Variants in MCPH1 observed in about 807,000 individuals in gnomAD.
The protein encoded by MCPH1 is microcephalin 1.
Under a neutral mutation model 84.5 loss-of-function variants are expected in MCPH1, and 104 were observed. The ratio of observed to expected loss-of-function variants is 1.23; its 90% CI spans 1.05 to 1.45. The LOEUF is 1.45. Ranked by LOEUF, MCPH1 falls within the 40% of genes most tolerant of loss-of-function variation. MCPH1 has a pLI of 0.00. For missense variants in MCPH1, 1,498 were observed against 1,005.7 expected (o/e 1.49, Z -6.62); for synonymous variants, 514 against 366.8 (o/e 1.40, Z -4.58).
At chr8:6,571,487 A>G (rs2129576489) in intron 12 of MCPH1, among the ~76,000 whole-genome samples, 1 of 152,324 alleles carries the variant, frequency 6.6e-6, no homozygotes, top group Non-Finnish European at 1.5e-5. Flanking sequence ...TGTCATAACC[A>G]TCCTAATAAA....
At chr8:6,512,849 T>G (rs1431577647) in intron 12 of MCPH1, among the ~76,000 whole-genome samples, 2 of 152,224 alleles carry the variant, frequency 1.3e-5, no homozygotes, top group South Asian at 2.1e-4. Flanking sequence ...GTGAATCTGA[T>G]GTATTTCCTG....
At chr8:6,496,230 G>GCA (rs1433446109) in intron 11 of MCPH1, among the ~76,000 whole-genome samples, 1 of 152,150 alleles carries the variant, frequency 6.6e-6, no homozygotes, top group East Asian at 1.9e-4. Context: ...CTCATAAGGA[G>GCA]CATGCAACCT....
chr8:6,495,512 A>G (rs1048918424), intron 11 of MCPH1, among the ~76,000 whole-genome samples: 8 of 152,264 alleles, frequency 5.3e-5, no homozygotes, highest in African/African-American at 1.9e-4. Context: ...GTTTGAGAAA[A>G]TCAATTGCCC....
chr8:6,436,025 AT>A, intron 4 of MCPH1, 22 bp from the exon 5 acceptor site: 2 of 1,612,294 alleles, frequency 1.2e-6, no homozygotes, highest in Admixed American at 3.3e-5. Context: ...TACAGCATTA[AT>A]TTTTGTGTTC....
In MCPH1 at chr8:6,499,814, T is replaced by C. The variant is rs1314223157; in HGVS notation, c.2137-38T>C. 1.9e-6 allele frequency: 3 copies of C among 1,587,500 alleles called. No homozygotes were observed. In the East Asian group the frequency reaches 6.7e-5, roughly 35 times the overall value. On this transcript the variant is annotated intron_variant, in intron 11 of 13. Transcript: ENST00000344683. ...TTGGTTTATTGCCTGCTAAGGCTAA[T>C]AAATGTATAATAAATCTGCTTGTTG...
At chr8:6,577,231 CGTGGG>C (rs1218359654) in intron 12 of MCPH1, among the ~76,000 whole-genome samples, 1 of 152,182 alleles carries the variant, frequency 6.6e-6, no homozygotes, top group Non-Finnish European at 1.5e-5. Flanking sequence ...GGCCTCCCTG[CGTGGG>C]GCTTCTGTCC....
At chr8:6,535,481 A>G (rs1293194357) in intron 12 of MCPH1, among the ~76,000 whole-genome samples, 1 of 152,240 alleles carries the variant, frequency 6.6e-6, no homozygotes, top group Non-Finnish European at 1.5e-5. Flanking sequence ...ATGACTAAGT[A>G]TAGGTTCACA....
intron 9 of MCPH1, among the ~76,000 whole-genome samples, chr8:6,463,942 G>T (rs1047537912): frequency 2.0e-5 from 3 of 152,184 alleles, no homozygotes; most frequent in African/African-American, 7.2e-5. Context: ...TAACTTTCAA[G>T]TTGAAAGAGC....
At chr8:6,424,076 A>G (rs1490936636) in intron 3 of MCPH1, among the ~76,000 whole-genome samples, 1 of 152,162 alleles carries the variant, frequency 6.6e-6, no homozygotes, top group Non-Finnish European at 1.5e-5. Context: ...TTAACTTCAT[A>G]AGGTCACTAG....
intron 12 of MCPH1, among the ~76,000 whole-genome samples, chr8:6,607,554 G>T (rs1056751130): frequency 6.6e-6 from 1 of 152,182 alleles, no homozygotes; most frequent in Non-Finnish European, 1.5e-5. Flanking sequence ...GATATGGTTT[G>T]GCTGTGTCCC....
intron 8 of MCPH1, chr8:6,445,993 A>G: frequency 1.0e-6 from 1 of 979,180 alleles, no homozygotes; most frequent in Non-Finnish European, 1.2e-6. Context: ...TGTATCATAG[A>G]GAAAGTGTGA....
rs949809365 is a variant in MCPH1, at chr8:6,644,151, G to A, written c.*1102G>A. 2 of 152,282 alleles carry A rather than the reference G, an allele frequency of 1.3e-5. No homozygotes were observed. The highest frequency in any genetic ancestry group is 2.9e-5 in the Non-Finnish European group (2 of 68,112). 9.4% of individuals were successfully genotyped at this position (152,282 alleles called of 1,614,324 possible). On this transcript the variant is annotated 3_prime_UTR_variant, in exon 14 of 14. Transcript: ENST00000344683. ...TGTGGTCCCAGCTCCTCAGGAGTCT[G>A]AGGCAGAAGAATCGCTTGAACCCAA...
intron 12 of MCPH1, among the ~76,000 whole-genome samples, chr8:6,517,277 A>G (rs2515433): frequency 0.061 from 9,221 of 152,278 alleles, 313 homozygotes; most frequent in African/African-American, 0.079. Context: ...ATATCTTTCT[A>G]TAAAGCTTGA....
intron 12 of MCPH1, among the ~76,000 whole-genome samples, chr8:6,612,335 C>T (rs886702015): frequency 6.6e-6 from 1 of 152,218 alleles, no homozygotes; most frequent in Admixed American, 6.5e-5. Context: ...CTCTCCTCCA[C>T]AGCCAGCCCA....
intron 12 of MCPH1, among the ~76,000 whole-genome samples, chr8:6,604,772 T>C (rs980661816): frequency 1.3e-5 from 2 of 152,256 alleles, no homozygotes; most frequent in Non-Finnish European, 1.5e-5. Flanking sequence ...CCCAAAGTGC[T>C]GGGATTACAG....
At chr8:6,629,398 G>A (rs1463032258) in intron 13 of MCPH1, among the ~76,000 whole-genome samples, 1 of 152,178 alleles carries the variant, frequency 6.6e-6, no homozygotes, top group Non-Finnish European at 1.5e-5. Flanking sequence ...AGAGGCGGAG[G>A]CTGCAGTTAG....
At chr8:6,497,257 G>C (rs533254897) in intron 11 of MCPH1, among the ~76,000 whole-genome samples, 1 of 151,304 alleles carries the variant, frequency 6.6e-6, no homozygotes, top group African/African-American at 2.4e-5. Context: ...GAAGCAGGTG[G>C]ATCACTTGAG....
chr8:6,471,492 A>G (rs1000530549), intron 9 of MCPH1, among the ~76,000 whole-genome samples: 1 of 152,222 alleles, frequency 6.6e-6, no homozygotes, highest in African/African-American at 2.4e-5. Flanking sequence ...TTATAAAAGC[A>G]CAGTCGACTG....
At chr8:6,618,494 G>A (rs905864659) in intron 12 of MCPH1, 1 of 152,214 alleles carries the variant, frequency 6.6e-6, no homozygotes, top group African/African-American at 2.4e-5. Flanking sequence ...TAGTGAGATA[G>A]AGATTAGATC....
Sources: allele counts gnomAD v4.1 joint callset (sites outside exome capture counted in the v4.1 genomes callset), GRCh38; gene constraint gnomAD v4.1.1; transcripts MANE v1.5; gene names NCBI Gene and HGNC (gene_info 2026-07-23, HGNC 2026-07-21).